TOMM34: variants seen among roughly 807,000 people sequenced by gnomAD.
TOMM34 encodes the protein mitochondrial import receptor subunit TOM34.
TOMM34 carries 24 observed loss-of-function variants against 37.4 expected under a neutral mutation model. The observed-to-expected ratio is 0.64, with a 90% CI of 0.46 to 0.90. The LOEUF is 0.90. TOMM34 is among the 40% of genes least tolerant of loss of function. The pLI is 0.00. For missense variants in TOMM34, 304 were observed against 375.6 expected, an observed-to-expected ratio of 0.81 and a Z score of 1.58; for synonymous variants, 154 against 148.9, an observed-to-expected ratio of 1.03 and a Z score of -0.25.
chr20:44,954,994 A>G (rs1421112055), intron 3 of TOMM34, 74 bp downstream of exon 3: 8 of 1,550,628 alleles, frequency 5.2e-6, no homozygotes, highest in Non-Finnish European at 6.1e-6. Flanking sequence ...GAAGACAGAC[A>G]AGGCAATGGC....
chr20:44,959,619 G>A (rs891670233), intron 1 of TOMM34, among the ~76,000 whole-genome samples: 1 of 145,580 alleles, frequency 6.9e-6, no homozygotes, highest in African/African-American at 2.4e-5. Context: ...TCGTCTTGGA[G>A]GGGGGGCCTT....
chr20:44,957,059 C>T (rs183822407), intron 1 of TOMM34, among the ~76,000 whole-genome samples: 3 of 152,194 alleles, frequency 2.0e-5, no homozygotes, highest in Admixed American at 2.0e-4. Context: ...GATGGGAGTA[C>T]AGAGAACTTA....
rs76788628 is a variant in TOMM34 at position 44,959,834 on chromosome 20, T to C, written c.127+373A>G. The C allele has an allele frequency of 1.4e-3, 1,074 of 763,502 alleles. 14 individuals are homozygous for C. In the African/African-American group the frequency reaches 0.019, roughly 14 times the overall value. 47.3% of individuals were successfully genotyped at this position (763,502 alleles called of 1,614,324 possible). ...CTTACTGACTCGCTTAAGACTCACG[T>C]CCTCCCCACCGCCCCCACAAGAATG... On this transcript the variant is annotated intron_variant, in intron 1 of 6. Coordinates refer to ENST00000372813, the MANE Select transcript of TOMM34 (RefSeq NM_006809.5).
chr20:44,960,035 C>T (rs988212275), intron 1 of TOMM34, 172 bp downstream of exon 1: 33 of 983,096 alleles, frequency 3.4e-5, no homozygotes, highest in African/African-American at 1.6e-4. Context: ...GGGCAGTTAA[C>T]AAGCAGGTGG....
At chr20:44,952,133 C>T (rs753155832) in intron 3 of TOMM34, 131 bp from the exon 4 acceptor site, 35 of 1,037,290 alleles carry the variant, frequency 3.4e-5, no homozygotes, top group Non-Finnish European at 4.8e-5. Context: ...GTCGGAACCA[C>T]CTCTTTAGCT....
chr20:44,952,803 TA>T, intron 3 of TOMM34: 1 of 652,004 alleles, frequency 1.5e-6, no homozygotes. Context: ...CCATGTTTCC[TA>T]TATTACAAGA....
At chr20:44,959,207 GAAA>G (rs926817718) in intron 1 of TOMM34, among the ~76,000 whole-genome samples, 31 of 151,988 alleles carry the variant, frequency 2.0e-4, no homozygotes, top group African/African-American at 6.0e-4. Context: ...CCAAGAAAAG[GAAA>G]AAAAGGAAGG....
At chr20:44,958,108 A>G (rs1317909489) in intron 1 of TOMM34, among the ~76,000 whole-genome samples, 1 of 96,318 alleles carries the variant, frequency 1.0e-5, no homozygotes, top group Non-Finnish European at 2.2e-5. Context: ...GTATATATGT[A>G]TACATGTACA....
At chr20:44,958,117 C>T (rs370020561) in intron 1 of TOMM34, among the ~76,000 whole-genome samples, 23 of 146,376 alleles carry the variant, frequency 1.6e-4, no homozygotes, top group Non-Finnish European at 2.2e-4. Context: ...TATACATGTA[C>T]ATGTATATAT....
Position 44,942,886 on chromosome 20 carries a change from AGTGGGGACCTTTCTGGTGCAACAACC to A in TOMM34, c.*197_*222del. 1.0e-5 allele frequency: 6 copies of A among 595,940 alleles called. No individual in the cohort carries two copies. The highest frequency in any genetic ancestry group is 1.8e-5 in the Non-Finnish European group (6 of 333,420). 36.9% of individuals were successfully genotyped at this position (595,940 alleles called of 1,614,324 possible). On this transcript the variant is annotated 3_prime_UTR_variant, in exon 7 of 7. Transcript: ENST00000372813. ...GAGCTTCAGCTTCACGCTTAGCTCT[AGTGGGGACCTTTCTGGTGCAACAACC>A]ATGTCTGTGTTTGACTACACTGAGT...
chr20:44,948,822 C>T lies in TOMM34; in HGVS notation c.606G>A (p.Glu202=), dbSNP rs1383047544. 5.6e-6 allele frequency: 9 copies of T among 1,614,136 alleles called. No individual in the cohort carries two copies. The highest frequency in any genetic ancestry group is 7.6e-6 in the Non-Finnish European group (9 of 1,180,014). The change falls in exon 5 of 7, where the codon GAG becomes GAA. Residue 202 remains glutamate, a synonymous_variant. Coordinates refer to ENST00000372813, the MANE Select transcript of TOMM34 (RefSeq NM_006809.5). The stretch of plus-strand genomic sequence containing the variant: ...TCTTATGGTTTCCCTTCTTTACAAG[C>T]TCATTGCCTTCTTCCTTCAGAACTC... The part of the protein sequence containing the change: ...KARVLKEEGN[E]LVKKGNHKKA...
At chr20:44,947,363 T>C (rs534552265) in intron 5 of TOMM34, among the ~76,000 whole-genome samples, 18 of 152,310 alleles carry the variant, frequency 1.2e-4, no homozygotes, top group South Asian at 4.1e-4. Flanking sequence ...CTATTTAGTT[T>C]CTCTATTCCA....
chr20:44,952,616 C>A, intron 3 of TOMM34: 1 of 717,494 alleles, frequency 1.4e-6, no homozygotes, highest in Non-Finnish European at 2.6e-6. Flanking sequence ...ACCTTCCAGG[C>A]CCGGCTAACT....
intron 1 of TOMM34, 181 bp downstream of exon 1, chr20:44,960,026 G>A: frequency 1.0e-6 from 1 of 985,326 alleles, no homozygotes; most frequent in Non-Finnish European, 1.2e-6. Flanking sequence ...GGGCCAACAG[G>A]GCAGTTAACA....
intron 4 of TOMM34, among the ~76,000 whole-genome samples, chr20:44,949,316 A>T (rs1041734706): frequency 3.3e-5 from 5 of 152,258 alleles, no homozygotes; most frequent in African/African-American, 1.2e-4. Flanking sequence ...AACACACTAT[A>T]AACTTAAAGC....
chr20:44,943,262 T>G, intron 6 of TOMM34, 49 bp from the exon 7 acceptor site: 1 of 1,606,866 alleles, frequency 6.2e-7, no homozygotes, highest in Non-Finnish European at 8.5e-7. Context: ...CGGACTGGGG[T>G]GGGGATAGCT....
chr20:44,960,125 C>T, intron 1 of TOMM34, 82 bp downstream of exon 1: 1 of 1,479,816 alleles, frequency 6.8e-7, no homozygotes, highest in Admixed American at 2.3e-5. Flanking sequence ...GGCAGGACTG[C>T]TGGCCGCCGC....
rs2066976389 is a variant in TOMM34 at position 44,945,865 on chromosome 20, T to C, written c.699-2286A>G. On this transcript the variant is annotated intron_variant, in intron 5 of 6. Coordinates refer to ENST00000372813, the MANE Select transcript of TOMM34 (RefSeq NM_006809.5). ...AAACTTTGAACACAGAAGAATTCCT[T>C]TTTTTTTTTGGAGACAGGGTCTCAC... Among the ~76,000 whole-genome samples, 5 of 149,390 alleles carry C rather than the reference T, an allele frequency of 3.3e-5. No individual in the cohort carries two copies. In the South Asian group the frequency reaches 1.0e-3, roughly 31 times the overall value.
chr20:44,957,074 G>A (rs879694244), intron 1 of TOMM34, among the ~76,000 whole-genome samples: 6 of 152,124 alleles, frequency 3.9e-5, no homozygotes, highest in Admixed American at 3.9e-4. Flanking sequence ...AACTTAATCA[G>A]GAAAAAGTCT....
Sources: gnomAD v4.1 joint callset for allele counts (sites outside exome capture counted in the v4.1 genomes callset) on GRCh38, gnomAD v4.1.1 for gene constraint, MANE v1.5 for transcripts, NCBI Gene and HGNC (gene_info 2026-07-23, HGNC 2026-07-21) for gene names.